The following SLC4A8 variants were observed in gnomAD, a reference collection of about 807,000 sequenced individuals.
SLC4A8 encodes electroneutral sodium bicarbonate exchanger 1.
SLC4A8 carries 40 observed loss-of-function variants against 125.0 expected under a neutral mutation model. The observed-to-expected ratio is 0.32, with a 90% CI of 0.25 to 0.42. The LOEUF (loss-of-function observed/expected upper bound fraction) is 0.42. SLC4A8 is among the 10% of genes least tolerant of loss of function. The pLI is 1.00. For synonymous variants in SLC4A8, 456 were observed against 476.0 expected (o/e 0.96, Z 0.55); for missense variants, 863 against 1,355.1 (o/e 0.64, Z 5.70).
At chr12:51,478,148 G>A (rs1043745063) in intron 16 of SLC4A8, among the ~76,000 whole-genome samples, 10 of 152,190 alleles carry the variant, frequency 6.6e-5, no homozygotes, top group Middle Eastern at 3.4e-3. Context: ...GGTGGCGGGC[G>A]CCTCTAGTCC....
upstream of SLC4A8, among the ~76,000 whole-genome samples, chr12:51,422,844 T>C (rs1284938400): frequency 6.6e-6 from 1 of 152,234 alleles, no homozygotes; most frequent in Non-Finnish European, 1.5e-5. Context: ...TTTTCAGACT[T>C]AGCTCGAATC....
At chr12:51,408,685 T>C (rs1378093518) in intron 1 of SLC4A8, among the ~76,000 whole-genome samples, 1 of 151,846 alleles carries the variant, frequency 6.6e-6, no homozygotes, top group Non-Finnish European at 1.5e-5. Context: ...TGCCCAGGAG[T>C]ATGGCTGAGG....
chr12:51,415,904 G>A (rs1370301139), intron 1 of SLC4A8, among the ~76,000 whole-genome samples: 1 of 149,688 alleles, frequency 6.7e-6, no homozygotes, highest in African/African-American at 2.5e-5. Context: ...ATGTACCCCC[G>A]AATCTAAAAT....
rs146248020 is a variant in SLC4A8, at chr12:51,417,946, C to A, written c.-111-22762C>A. ...GGATTAGAGGCGTGAGCCACCATAT[C>A]TGGCTGTAAGTCTTTTTAAACTGTG... On this transcript the variant is annotated intron_variant, in intron 1 of 24. Transcript: ENST00000358657. Among the ~76,000 whole-genome samples the A allele has an allele frequency of 9.9e-3, 1,502 of 152,348 alleles. 12 individuals are homozygous for A. The highest frequency in any genetic ancestry group is 0.015 in the Non-Finnish European group (1,042 of 68,028).
chr12:51,395,790 C>G (rs1290939642), intron 1 of SLC4A8, among the ~76,000 whole-genome samples: 1 of 152,236 alleles, frequency 6.6e-6, no homozygotes, highest in African/African-American at 2.4e-5. Context: ...CACTCCCTCC[C>G]TACCTCTTTG....
intron 1 of SLC4A8, among the ~76,000 whole-genome samples, chr12:51,439,206 A>G (rs945546357): frequency 2.6e-5 from 4 of 152,040 alleles, no homozygotes; most frequent in African/African-American, 7.2e-5. Flanking sequence ...ACAGGCACGC[A>G]CCACCACACC....
At chr12:51,456,163 C>CT (rs1021418210) in intron 5 of SLC4A8, among the ~76,000 whole-genome samples, 1 of 150,640 alleles carries the variant, frequency 6.6e-6, no homozygotes, top group Non-Finnish European at 1.5e-5. Context: ...CTTCTGATAA[C>CT]TTTAAGTGAT....
At chr12:51,463,079 TAG>T (rs1325535524) in intron 10 of SLC4A8, among the ~76,000 whole-genome samples, 1 of 151,930 alleles carries the variant, frequency 6.6e-6, no homozygotes, top group Non-Finnish European at 1.5e-5. Flanking sequence ...GCAAGTTGTA[TAG>T]AGAGAGCAGA....
intron 17 of SLC4A8, among the ~76,000 whole-genome samples, chr12:51,486,568 ACTAAG>A (rs1455839382): frequency 3.3e-5 from 5 of 152,260 alleles, no homozygotes; most frequent in Admixed American, 6.5e-5. Flanking sequence ...GGGAGCACTG[ACTAAG>A]TAGACAAAGA....
At chr12:51,474,192 GGCC>G in intron 14 of SLC4A8, 147 bp from the exon 15 acceptor site, 2 of 506,514 alleles carry the variant, frequency 3.9e-6, no homozygotes, top group South Asian at 3.8e-5. Flanking sequence ...AATGTGATGG[GGCC>G]TACAGAGGGG....
At chr12:51,423,254 G>C (rs1381978991), upstream of SLC4A8, among the ~76,000 whole-genome samples, 2 of 152,292 alleles carry the variant, frequency 1.3e-5, no homozygotes, top group East Asian at 3.9e-4. Context: ...TATAAGAAAG[G>C]TATGAAGTGC....
chr12:51,418,439 G>A (rs933854765), intron 1 of SLC4A8, among the ~76,000 whole-genome samples: 1 of 152,124 alleles, frequency 6.6e-6, no homozygotes, highest in South Asian at 2.1e-4. Flanking sequence ...AATTATAATG[G>A]CTCTAGTCCA....
intron 16 of SLC4A8, among the ~76,000 whole-genome samples, chr12:51,479,225 C>T (rs1950944696): frequency 6.6e-6 from 1 of 152,182 alleles, no homozygotes; most frequent in South Asian, 2.1e-4. Context: ...CACTTTGTTA[C>T]TGAAGTTGCT....
rs1938388965 is a variant in SLC4A8 at position 51,512,189 on chromosome 12, G to A, written c.*4751G>A. On this transcript the variant is annotated 3_prime_UTR_variant, in exon 25 of 25. Coordinates refer to ENST00000453097, the MANE Select transcript of SLC4A8 (RefSeq NM_001039960.3). The stretch of plus-strand genomic sequence containing the variant: ...AATCATTGTGCACTTTGTTAATTTG[G>A]TATGGTGGTGCCACACATTATCACT... 1 of 152,180 alleles carries A rather than the reference G, an allele frequency of 6.6e-6. No homozygotes were observed. The allele number at this position is 152,180 out of a possible 1,614,324, so 9.4% of individuals were successfully genotyped here.
intron 5 of SLC4A8, among the ~76,000 whole-genome samples, chr12:51,457,077 G>A (rs1327363964): frequency 6.6e-6 from 1 of 152,158 alleles, no homozygotes; most frequent in South Asian, 2.1e-4. Context: ...TCTAGCATTT[G>A]GGCCTTAATT....
chr12:51,426,763 G>A (rs1336167997), intron 1 of SLC4A8, among the ~76,000 whole-genome samples: 7 of 151,844 alleles, frequency 4.6e-5, no homozygotes, highest in African/African-American at 1.7e-4. Flanking sequence ...TAACACACAG[G>A]GCCATTTGGA....
chr12:51,455,195 A>G (rs915391375), intron 5 of SLC4A8, among the ~76,000 whole-genome samples: 1 of 150,128 alleles, frequency 6.7e-6, no homozygotes, highest in Non-Finnish European at 1.5e-5. Flanking sequence ...GGAGTCTCCT[A>G]TGTCTACTTC....
At position 51,433,871 on chromosome 12, in the gene SLC4A8, TTTTTTTTGGTTG is replaced by T. The variant is rs749162514; in HGVS notation, c.49-6836_49-6825del. The stretch of plus-strand genomic sequence containing the variant: ...CATCTGTTTTTTTTTTTTTTTTTTT[TTTTTTTTGGTTG>T]GTTTTTTTTTGAGACAGGGTCTTTC... On this transcript the variant is annotated intron_variant, in intron 1 of 24. Coordinates refer to ENST00000453097, the MANE Select transcript of SLC4A8 (RefSeq NM_001039960.3). Among the ~76,000 whole-genome samples, 143 of 132,708 alleles carry T rather than the reference TTTTTTTTGGTTG, an allele frequency of 1.1e-3. 1 individual carries two copies. Among genetic ancestry groups the T allele is most frequent in the Admixed American group, 3.6e-3 (49 of 13,718 alleles). The allele number at this position is 132,708 out of a possible 152,430, so 87.1% of individuals were successfully genotyped here. A position where few individuals can be genotyped will look rare whatever the true frequency, so the allele number is the denominator to read the frequency against.
intron 2 of SLC4A8, among the ~76,000 whole-genome samples, chr12:51,445,198 G>T (rs945803750): frequency 6.6e-6 from 1 of 152,076 alleles, no homozygotes; most frequent in Non-Finnish European, 1.5e-5. Context: ...TTGAGGCAGG[G>T]TCTCACTCTG....
Sources: allele counts gnomAD v4.1 joint callset (sites outside exome capture counted in the v4.1 genomes callset), GRCh38; gene constraint gnomAD v4.1.1; transcripts MANE v1.5; gene names NCBI Gene and HGNC (gene_info 2026-07-23, HGNC 2026-07-21).